HEMK2: variants seen among roughly 807,000 people sequenced by gnomAD.
The protein encoded by HEMK2 is methyltransferase HEMK2.
At chr21:28,665,538 T>G in the HEMK2 span, among the ~76,000 whole-genome samples, 5 of 151,762 alleles carry the variant, frequency 3.3e-5, no homozygotes, top group African/African-American at 1.2e-4. Context: ...ACATGGCACA[T>G]GTATACATAT....
chr21:28,677,392 C>T, the HEMK2 span, among the ~76,000 whole-genome samples: 30,040 of 152,106 alleles, frequency 0.2, 3,193 homozygotes, highest in East Asian at 0.38. Context: ...GTAAACAAAG[C>T]GGCTGGGAAG....
At chr21:28,735,909 G>GT in the HEMK2 span, among the ~76,000 whole-genome samples, 1 of 152,240 alleles carries the variant, frequency 6.6e-6, no homozygotes, top group Non-Finnish European at 1.5e-5. Flanking sequence ...TTACACAAGA[G>GT]TAAGGGTCAT....
the HEMK2 span, among the ~76,000 whole-genome samples, chr21:28,583,135 ATTTAT>A: frequency 1.3e-5 from 2 of 152,236 alleles, no homozygotes; most frequent in African/African-American, 4.8e-5. Flanking sequence ...ACTTTGAACA[ATTTAT>A]TTTATTTTTT....
chr21:28,661,574 A>C, the HEMK2 span, among the ~76,000 whole-genome samples: 1 of 152,022 alleles, frequency 6.6e-6, no homozygotes, highest in Admixed American at 6.6e-5. Context: ...ATATATATAT[A>C]TATATGTTCT....
chr21:28,847,000 T>C, the HEMK2 span, among the ~76,000 whole-genome samples: 6,103 of 152,272 alleles, frequency 0.04, 141 homozygotes, highest in Middle Eastern at 0.11. Flanking sequence ...TATTCTGTGG[T>C]ATATATGTAC....
chr21:28,757,295 G>A, the HEMK2 span, among the ~76,000 whole-genome samples: 14 of 152,102 alleles, frequency 9.2e-5, no homozygotes, highest in Non-Finnish European at 1.6e-4. Context: ...ACATTTTTAT[G>A]TATTTATAAG....
the HEMK2 span, among the ~76,000 whole-genome samples, chr21:28,588,856 A>AGGTG: frequency 6.6e-6 from 1 of 151,698 alleles, no homozygotes. Context: ...TGTGGTGGGC[A>AGGTG]CCTGTAGTCC....
the HEMK2 span, among the ~76,000 whole-genome samples, chr21:28,764,309 G>A: frequency 6.6e-6 from 1 of 152,040 alleles, no homozygotes; most frequent in Admixed American, 6.6e-5. Context: ...TTGCTATGTG[G>A]AAAAGAGTGG....
At chr21:28,643,300 G>A in the HEMK2 span, among the ~76,000 whole-genome samples, 1 of 152,162 alleles carries the variant, frequency 6.6e-6, no homozygotes, top group African/African-American at 2.4e-5. Flanking sequence ...AAGTCATGGG[G>A]GTAGAGCCCT....
chr21:28,768,607 AG>A, the HEMK2 span, among the ~76,000 whole-genome samples: 1 of 152,028 alleles, frequency 6.6e-6, no homozygotes, highest in Non-Finnish European at 1.5e-5. Flanking sequence ...ACAAGAAGGA[AG>A]AGGCAGATCC....
At chr21:28,712,068 T>C in the HEMK2 span, among the ~76,000 whole-genome samples, 2 of 152,136 alleles carry the variant, frequency 1.3e-5, no homozygotes, top group Admixed American at 6.6e-5. Flanking sequence ...CACAGGAATA[T>C]TGGAAGGACA....
chr21:28,611,205 C>A, the HEMK2 span, among the ~76,000 whole-genome samples: 2 of 152,160 alleles, frequency 1.3e-5, no homozygotes, highest in Admixed American at 6.5e-5. Context: ...AGTACTCTCT[C>A]AGACCAAAGT....
chr21:28,607,078 G>T, the HEMK2 span, among the ~76,000 whole-genome samples: 81 of 152,244 alleles, frequency 5.3e-4, no homozygotes, highest in Middle Eastern at 0.01. Flanking sequence ...ATTACGGGTG[G>T]AGGCTTAGTC....
the HEMK2 span, among the ~76,000 whole-genome samples, chr21:28,790,855 A>G: frequency 1.6e-5 from 2 of 124,978 alleles, no homozygotes. Flanking sequence ...GGGGGGAGGG[A>G]TAGCATTAGG....
chr21:28,712,097 C>A, the HEMK2 span, among the ~76,000 whole-genome samples: 47 of 152,282 alleles, frequency 3.1e-4, no homozygotes, highest in African/African-American at 1.1e-3. Flanking sequence ...GAGTCCATAG[C>A]AGAGGACAAT....
the HEMK2 span, among the ~76,000 whole-genome samples, chr21:28,600,458 G>A: frequency 1.3e-5 from 2 of 152,194 alleles, no homozygotes; most frequent in Non-Finnish European, 2.9e-5. Context: ...AAGTCCCTAG[G>A]CTGCACACAG....
the HEMK2 span, among the ~76,000 whole-genome samples, chr21:28,800,507 T>C: frequency 1.4e-4 from 22 of 152,296 alleles, no homozygotes; most frequent in South Asian, 3.9e-3. Flanking sequence ...TGCATGTACA[T>C]ATATATGCTT....
the HEMK2 span, among the ~76,000 whole-genome samples, chr21:28,831,799 G>A: frequency 4.6e-5 from 7 of 151,840 alleles, no homozygotes; most frequent in South Asian, 1.3e-3. Flanking sequence ...AAACAGTGAT[G>A]GGTCCCTAAT....
chr21:28,589,477 C>T, the HEMK2 span, among the ~76,000 whole-genome samples: 1 of 152,090 alleles, frequency 6.6e-6, no homozygotes, highest in Non-Finnish European at 1.5e-5. Flanking sequence ...AAAGGAACTT[C>T]ACATGGGCAA....
Sources: gnomAD v4.1 joint callset for allele counts (sites outside exome capture counted in the v4.1 genomes callset) on GRCh38, gnomAD v4.1.1 for gene constraint, MANE v1.5 for transcripts, NCBI Gene and HGNC (gene_info 2026-07-23, HGNC 2026-07-21) for gene names.